The following UTP6 variants were observed in gnomAD, a reference collection of about 807,000 sequenced individuals.
UTP6 encodes U3 small nucleolar RNA-associated protein 6 homolog.
UTP6 carries 60 observed loss-of-function variants against 96.5 expected under a neutral mutation model. That is an observed-to-expected ratio of 0.62 (90% CI 0.51 to 0.77). The LOEUF is 0.77. Ranked by LOEUF, UTP6 falls within the 30% of genes least tolerant of loss-of-function variation. The pLI, the probability that UTP6 is intolerant of heterozygous loss-of-function variation, is 0.00. For missense variants in UTP6, 637 were observed against 706.5 expected, an observed-to-expected ratio of 0.90 and a Z score of 1.12; for synonymous variants, 215 against 240.1, an observed-to-expected ratio of 0.90 and a Z score of 0.96.
intron 1 of UTP6, among the ~76,000 whole-genome samples, chr17:31,900,052 GA>G (rs1282634163): frequency 6.6e-6 from 1 of 151,800 alleles, no homozygotes; most frequent in Non-Finnish European, 1.5e-5. Context: ...ACTGAGGCAG[GA>G]AAATTGCTTG....
intron 7 of UTP6, chr17:31,887,993 T>C (rs1476829933): frequency 3.0e-5 from 4 of 135,388 alleles, no homozygotes; most frequent in Non-Finnish European, 4.7e-5. Context: ...AAGAATTAAA[T>C]AGCAGTTTCT....
At chr17:31,878,111 C>T (rs1016995) in intron 13 of UTP6, 139 bp downstream of exon 13, 37,227 of 749,270 alleles carry the variant, frequency 0.05, 2,122 homozygotes, top group African/African-American at 0.23. Context: ...CTGGGAAACA[C>T]ATATAAACAC....
intron 1 of UTP6, 99 bp downstream of exon 1, chr17:31,901,437 T>G: frequency 8.8e-7 from 1 of 1,138,222 alleles, no homozygotes; most frequent in Non-Finnish European, 1.3e-6. Context: ...TTAGGAAAAG[T>G]AAACACAGGT....
chr17:31,892,555 A>G (rs1256504404), intron 5 of UTP6, among the ~76,000 whole-genome samples, 192 bp downstream of exon 5: 1 of 152,182 alleles, frequency 6.6e-6, no homozygotes, highest in East Asian at 1.9e-4. Flanking sequence ...CACACGTAAA[A>G]ATTATATTCT....
At chr17:31,874,553 A>G (rs1910376110) in intron 14 of UTP6, among the ~76,000 whole-genome samples, 1 of 37,462 alleles carries the variant, frequency 2.7e-5, no homozygotes, top group Non-Finnish European at 5.1e-5. Context: ...CTCAAAAAAA[A>G]GGAAAAACCA....
chr17:31,889,508 T>G, intron 6 of UTP6, 105 bp from the exon 7 acceptor site: 5 of 975,478 alleles, frequency 5.1e-6, no homozygotes, highest in Non-Finnish European at 7.5e-6. Context: ...TTTTTTTTTT[T>G]TTTTTTTTGA....
intron 16 of UTP6, among the ~76,000 whole-genome samples, chr17:31,870,329 A>G (rs1006293939): frequency 1.3e-5 from 2 of 152,114 alleles, no homozygotes; most frequent in African/African-American, 2.4e-5. Flanking sequence ...GCCAATATCT[A>G]TAATTTTATG....
At chr17:31,868,325 G>GTTT (rs33960994) in intron 16 of UTP6, among the ~76,000 whole-genome samples, 8,833 of 90,290 alleles carry the variant, frequency 0.098, 393 homozygotes, top group Non-Finnish European at 0.12. Context: ...TAGTTTTTTG[G>GTTT]TTTTTTTTTT....
In UTP6 at chr17:31,892,260, C is replaced by T; in HGVS notation, c.424G>A (p.Ala142Thr). The change falls in exon 6 of 19, where the codon GCT becomes ACT. Residue 142 changes from alanine (A) to threonine (T), a missense_variant and splice_region_variant. Ala to Thr is a moderately conservative substitution (Grantham distance 58). Coordinates refer to ENST00000261708, the MANE Select transcript of UTP6 (RefSeq NM_018428.3). ...AAAATTGACAAAGATTTCACCATACCTGGTTTGTTGGAATGAATCGCCAAC... is the reference window on the plus strand; with the variant it reads ...AAAATTGACAAAGATTTCACCATACTTGGTTTGTTGGAATGAATCGCCAAC... The part of the protein sequence containing the change: ...AMLAIHSNKP[A>T]LWIMAAKWEM... 1 of 1,614,054 alleles carries T rather than the reference C, an allele frequency of 6.2e-7. No homozygotes were observed. Among genetic ancestry groups the T allele is most frequent in the Non-Finnish European group, 8.5e-7 (1 of 1,179,984 alleles).
chr17:31,899,690 G>A lies in UTP6; in HGVS notation c.133C>T (p.Gln45Ter). 2.5e-6 allele frequency: 4 copies of A among 1,606,360 alleles called. No homozygotes were observed. Among genetic ancestry groups the A allele is most frequent in the Non-Finnish European group, 3.4e-6 (4 of 1,176,306 alleles). ...KKASDLEYKI[Q>*]RRTLFKEDFI... ...TCTTCCTTGAAAAGGGTTCTTCTCT[G>A]GATTTTGTACTCTAGATCGGAAGCC... The change falls in exon 2 of 19, where the codon CAG becomes TAG. Residue 45 changes from glutamine (Q) to a stop codon, truncating the protein, a stop_gained. Transcript: ENST00000261708. LOFTEE classifies it high-confidence loss of function.
chr17:31,869,613 G>C (rs1910039249), intron 16 of UTP6, among the ~76,000 whole-genome samples: 1 of 152,136 alleles, frequency 6.6e-6, no homozygotes. Flanking sequence ...GCCTCCTAAA[G>C]CACTGGGATT....
chr17:31,899,611 G>GA (rs1567796093), intron 2 of UTP6, 35 bp downstream of exon 2: 4 of 1,521,818 alleles, frequency 2.6e-6, no homozygotes, highest in Non-Finnish European at 2.7e-6. Flanking sequence ...AAACAAAAAA[G>GA]AAAAAAAGAA....
rs1396308013 is a variant in UTP6, at chr17:31,880,699, C to T, written c.841G>A (p.Glu281Lys). Residue 281 changes from glutamate (E) to lysine (K), a missense_variant, in exon 11 of 19, where the codon GAA (glutamate) becomes AAA (lysine). Transcript: ENST00000261708. ...PLTWDYVARR[E>K]LEIESQTEEQ... ...TCTGTCTGTGACTCAATCTCTAATT[C>T]TCGCCTTGCCACATAATCCCAAGTG... is the stretch of plus-strand genomic sequence containing the variant. The T allele has an allele frequency of 6.2e-7, 1 of 1,614,142 alleles. No homozygotes were observed. Among genetic ancestry groups the T allele is most frequent in the South Asian group, 1.1e-5 (1 of 91,080 alleles).
intron 9 of UTP6, among the ~76,000 whole-genome samples, 188 bp from the exon 10 acceptor site, chr17:31,884,693 G>T: frequency 6.6e-6 from 1 of 151,038 alleles, no homozygotes; most frequent in East Asian, 1.9e-4. Flanking sequence ...CAAAGCTATT[G>T]TTAATCTTTG....
intron 1 of UTP6, 56 bp from the exon 2 acceptor site, chr17:31,899,786 G>A: frequency 8.0e-7 from 1 of 1,249,456 alleles, no homozygotes; most frequent in East Asian, 2.5e-5. Context: ...AAACGTTTAA[G>A]TTTATTTTGA....
rs1356698342 is a variant in UTP6, at chr17:31,892,158, A to G, written c.424+102T>C. Reference sequence around the variant, plus strand: ...TGCTGAGGCCAACTGCCTAAGCTCAAGTCCTCAAAATAATTTCTCTTAGAT... The same window carrying G: ...TGCTGAGGCCAACTGCCTAAGCTCAGGTCCTCAAAATAATTTCTCTTAGAT... On this transcript the variant is annotated intron_variant, in intron 6 of 18. Coordinates refer to ENST00000261708, the MANE Select transcript of UTP6 (RefSeq NM_018428.3). 2.3e-6 allele frequency: 3 copies of G among 1,323,066 alleles called. No individual in the cohort carries two copies. In the East Asian group the frequency reaches 7.3e-5, roughly 32 times the overall value. 82.0% of individuals were successfully genotyped at this position (1,323,066 alleles called of 1,614,324 possible). A position where few individuals can be genotyped will look rare whatever the true frequency, so the allele number is the denominator to read the frequency against.
In UTP6 at chr17:31,863,526, A is replaced by G. The variant is rs746368448; in HGVS notation, c.1637-10T>C. Reference sequence around the variant, plus strand: ...TAATCCATCCAAAGATCTTTTAAAAAAAAAACATACAATTAGATAACTGAC... The same window carrying G: ...TAATCCATCCAAAGATCTTTTAAAAGAAAAACATACAATTAGATAACTGAC... On this transcript the variant is annotated splice_polypyrimidine_tract_variant and intron_variant, in intron 18 of 18. Coordinates refer to ENST00000261708, the MANE Select transcript of UTP6 (RefSeq NM_018428.3). 6.3e-7 allele frequency: 1 copy of G among 1,592,506 alleles called. No homozygotes were observed.
chr17:31,887,473 G>C lies in UTP6; in HGVS notation c.544-160C>G, dbSNP rs1911218518. Reference sequence around the variant, plus strand: ...AGTGATCCCCTTGCCTCAGCTTCCTGAGTAGCTAGGATTAGAGGTGCATTC... The same window carrying C: ...AGTGATCCCCTTGCCTCAGCTTCCTCAGTAGCTAGGATTAGAGGTGCATTC... On this transcript the variant is annotated intron_variant, in intron 7 of 18. Transcript: ENST00000261708. 6 of 594,258 alleles carry C rather than the reference G, an allele frequency of 1.0e-5. No individual in the cohort carries two copies. In the East Asian group the frequency reaches 1.7e-4, roughly 17 times the overall value. 36.8% of individuals were successfully genotyped at this position (594,258 alleles called of 1,614,324 possible).
rs1909586514 is a variant in UTP6 at position 31,862,268 on chromosome 17, C to T, written c.*1091G>A. ...CGAGATGGAGCCACTGCACTCCAGC[C>T]TGGATGACAGAGCAAGGCTCCATCT... On this transcript the variant is annotated 3_prime_UTR_variant, in exon 19 of 19. Transcript: ENST00000261708. 6.6e-6 allele frequency: 1 copy of T among 151,202 alleles called. No individual in the cohort carries two copies. Among genetic ancestry groups the T allele is most frequent in the African/African-American group, 2.4e-5 (1 of 40,868 alleles). 9.4% of individuals were successfully genotyped at this position (151,202 alleles called of 1,614,324 possible). A position where few individuals can be genotyped will look rare whatever the true frequency, so the allele number is the denominator to read the frequency against.
Sources: gnomAD v4.1 joint callset for allele counts (sites outside exome capture counted in the v4.1 genomes callset) on GRCh38, gnomAD v4.1.1 for gene constraint, MANE v1.5 for transcripts, NCBI Gene and HGNC (gene_info 2026-07-23, HGNC 2026-07-21) for gene names.